Variants in AATK observed in about 807,000 individuals in gnomAD.
AATK encodes lemur tail kinase 1.
Under a neutral mutation model 114.3 loss-of-function variants are expected in AATK, and 91 were observed. That is an observed-to-expected ratio of 0.80 (90% CI 0.67 to 0.95). The LOEUF (loss-of-function observed/expected upper bound fraction) is 0.95, where lower values mean the gene tolerates loss of function less well. Ranked by LOEUF, AATK falls within the 40% of genes least tolerant of loss-of-function variation. The probability of loss-of-function intolerance (pLI) is 0.00; values close to 1 mark genes in which losing one functional copy is unlikely to be tolerated. For synonymous variants in AATK, 1,075 were observed against 916.5 expected, an observed-to-expected ratio of 1.17 and a Z score of -3.12; for missense variants, 2,176 against 1,965.2, an observed-to-expected ratio of 1.11 and a Z score of -2.03.
In AATK at chr17:81,118,081, GC is replaced by G. The variant is rs1239800841; in HGVS notation, c.*320del. 6.7e-6 allele frequency: 2 copies of G among 298,778 alleles called. No individual in the cohort carries two copies. Among genetic ancestry groups the G allele is most frequent in the Non-Finnish European group, 1.3e-5 (2 of 159,464 alleles). 18.5% of individuals were successfully genotyped at this position (298,778 alleles called of 1,614,324 possible). ...CAGGCAGGCAGGGCAGAGGGTGGGGGCCGCCGTGCCCAGGGGCACTGGCCCC... is the reference window on the plus strand; with the variant it reads ...CAGGCAGGCAGGGCAGAGGGTGGGGGCGCCGTGCCCAGGGGCACTGGCCCC... On this transcript the variant is annotated 3_prime_UTR_variant, in exon 14 of 14. Coordinates refer to ENST00000326724, the MANE Select transcript of AATK (RefSeq NM_001080395.3).
chr17:81,128,583 T>G, intron 3 of AATK, 34 bp from the exon 4 acceptor site: 1 of 1,547,910 alleles, frequency 6.5e-7, no homozygotes, highest in Non-Finnish European at 8.7e-7. Flanking sequence ...GGACCCAGTG[T>G]GGCCTCCGCA....
chr17:81,117,743 CCG>C lies in AATK; in HGVS notation c.*657_*658del, dbSNP rs1466225113. On this transcript the variant is annotated 3_prime_UTR_variant, in exon 14 of 14. Transcript: ENST00000326724. ...CACCCCTGATCTTTTGGGCTGCCCA[CCG>C]TGGCCACAGCGGGACCCAGGTGGGA... 1 of 152,356 alleles carries C rather than the reference CCG, an allele frequency of 6.6e-6. No homozygotes were observed. The highest frequency in any genetic ancestry group is 2.4e-5 in the African/African-American group (1 of 41,474). The allele number at this position is 152,356 out of a possible 1,614,324, so 9.4% of individuals were successfully genotyped here. A position where few individuals can be genotyped will look rare whatever the true frequency, so the allele number is the denominator to read the frequency against.
intron 1 of AATK, among the ~76,000 whole-genome samples, chr17:81,138,049 C>A (rs1003853838): frequency 9.3e-5 from 14 of 151,286 alleles, no homozygotes; most frequent in African/African-American, 3.4e-4. Context: ...CACGTGCACA[C>A]AGACCCACAC....
intron 1 of AATK, among the ~76,000 whole-genome samples, chr17:81,159,128 A>G (rs891808880): frequency 6.6e-6 from 1 of 152,128 alleles, no homozygotes; most frequent in African/African-American, 2.4e-5. Flanking sequence ...CTCCACAGCT[A>G]GCCGTGCCAT....
intron 1 of AATK, among the ~76,000 whole-genome samples, chr17:81,147,782 G>A (rs1261923379): frequency 6.6e-6 from 1 of 152,058 alleles, no homozygotes; most frequent in Admixed American, 6.6e-5. Context: ...TTAAACAAAC[G>A]GGAAGATATC....
At chr17:81,132,633 C>A in intron 2 of AATK, 1 of 276,600 alleles carries the variant, frequency 3.6e-6, no homozygotes, top group Non-Finnish European at 7.6e-6. Context: ...TCCCTGGGGT[C>A]GGGCCCGGGC....
At chr17:81,124,232 T>G (rs1365507753) in intron 9 of AATK, among the ~76,000 whole-genome samples, 1 of 151,932 alleles carries the variant, frequency 6.6e-6, no homozygotes, top group African/African-American at 2.4e-5. Context: ...GGCGGACCAC[T>G]CCCCTGGCGG....
chr17:81,142,711 G>A (rs2061156448), intron 1 of AATK, among the ~76,000 whole-genome samples: 1 of 152,176 alleles, frequency 6.6e-6, no homozygotes, highest in Admixed American at 6.5e-5. Flanking sequence ...CTTTGAGTCA[G>A]TCCCACCCTC....
intron 1 of AATK, chr17:81,160,365 C>T (rs1293985540): frequency 2.0e-5 from 11 of 546,602 alleles, no homozygotes; most frequent in Non-Finnish European, 2.1e-5. Flanking sequence ...CCGGTCCCTG[C>T]GGAGGGAGGC....
Position 81,141,383 on chromosome 17 carries a change from G to A in AATK, c.56-6882C>T, listed in dbSNP as rs148428462. On this transcript the variant is annotated intron_variant, in intron 1 of 13. Coordinates refer to ENST00000326724, the MANE Select transcript of AATK (RefSeq NM_001080395.3). Reference sequence around the variant, plus strand: ...GGAGAATTGCTGGAACCCAGGAGACGGAGGTTGCGGTGAGCTGAGATTGAG... The same window carrying A: ...GGAGAATTGCTGGAACCCAGGAGACAGAGGTTGCGGTGAGCTGAGATTGAG... Among the ~76,000 whole-genome samples the A allele has an allele frequency of 2.8e-3, 424 of 152,314 alleles. 3 individuals carry two copies. The highest frequency in any genetic ancestry group is 9.6e-3 in the African/African-American group (401 of 41,562).
intron 7 of AATK, among the ~76,000 whole-genome samples, chr17:81,125,637 G>C (rs887167407): frequency 6.6e-6 from 1 of 152,170 alleles, no homozygotes; most frequent in Non-Finnish European, 1.5e-5. Context: ...GGTCACGTGG[G>C]TGTGAGGAGG....
At chr17:81,150,090 C>T (rs540163293) in intron 1 of AATK, among the ~76,000 whole-genome samples, 6 of 151,214 alleles carry the variant, frequency 4.0e-5, no homozygotes, top group Middle Eastern at 3.4e-3. Flanking sequence ...ACAGAAAGTG[C>T]GTGGGTGGCT....
At chr17:81,144,855 CAAT>C (rs1030810004) in intron 1 of AATK, among the ~76,000 whole-genome samples, 7 of 152,216 alleles carry the variant, frequency 4.6e-5, no homozygotes, top group African/African-American at 1.7e-4. Flanking sequence ...TCAAAAGCTA[CAAT>C]AATTAGAACC....
intron 3 of AATK, among the ~76,000 whole-genome samples, chr17:81,129,091 C>T (rs1475991621): frequency 6.6e-6 from 1 of 152,174 alleles, no homozygotes; most frequent in Non-Finnish European, 1.5e-5. Flanking sequence ...CAGTGAGGCC[C>T]GGGACGAAGG....
chr17:81,132,834 A>G, intron 2 of AATK: 3 of 232,204 alleles, frequency 1.3e-5, no homozygotes, highest in Non-Finnish European at 1.8e-5. Context: ...CCAGGGGCAC[A>G]CTGGTGCTGG....
chr17:81,129,446 G>A (rs539799559), intron 3 of AATK, among the ~76,000 whole-genome samples: 19 of 152,182 alleles, frequency 1.2e-4, no homozygotes, highest in South Asian at 6.2e-4. Flanking sequence ...GGGCACTGCC[G>A]GAGGCAGCAG....
chr17:81,124,098 G>T (rs1284934924), intron 9 of AATK, among the ~76,000 whole-genome samples: 2 of 152,196 alleles, frequency 1.3e-5, no homozygotes, highest in Admixed American at 1.3e-4. Flanking sequence ...AGCTCAGGGA[G>T]GGGGCCTGGC....
intron 1 of AATK, among the ~76,000 whole-genome samples, chr17:81,151,413 T>A (rs1236600527): frequency 1.7e-5 from 1 of 59,674 alleles, no homozygotes; most frequent in Non-Finnish European, 4.2e-5. Flanking sequence ...CTCCTGGGGC[T>A]GGGGGGACCG....
intron 1 of AATK, among the ~76,000 whole-genome samples, chr17:81,153,247 T>A (rs1014144595): frequency 6.6e-6 from 1 of 152,212 alleles, no homozygotes; most frequent in African/African-American, 2.4e-5. Context: ...CTGGGAAAAG[T>A]ACAGCACCTT....
Sources: allele counts gnomAD v4.1 joint callset (sites outside exome capture counted in the v4.1 genomes callset), GRCh38; gene constraint gnomAD v4.1.1; transcripts MANE v1.5; gene names NCBI Gene and HGNC (gene_info 2026-07-23, HGNC 2026-07-21).